The following WWOX variants were observed in gnomAD, a reference collection of about 807,000 sequenced individuals.
WWOX encodes the protein WW domain-containing oxidoreductase.
A neutral mutation model predicts 46.2 loss-of-function variants in WWOX; 69 were observed. The observed-to-expected ratio is 1.49, with a 90% CI of 1.23 to 1.82. The LOEUF (loss-of-function observed/expected upper bound fraction) is 1.82. WWOX is among the 40% of genes most tolerant of loss of function. The probability of loss-of-function intolerance (pLI) is 0.00; values close to 1 mark genes in which losing one functional copy is unlikely to be tolerated. For synonymous variants in WWOX, 359 were observed against 202.6 expected (o/e 1.77, Z -6.56); for missense variants, 919 against 542.6 (o/e 1.69, Z -6.89).
At chr16:78,818,703 G>A (rs1370207728) in intron 8 of WWOX, among the ~76,000 whole-genome samples, 2 of 152,222 alleles carry the variant, frequency 1.3e-5, no homozygotes, top group African/African-American at 4.8e-5. Context: ...ACTATAGCCT[G>A]GGCAGTTTTG....
intron 8 of WWOX, among the ~76,000 whole-genome samples, chr16:78,864,653 G>C (rs2043962926): frequency 6.6e-6 from 1 of 151,414 alleles, no homozygotes; most frequent in African/African-American, 2.4e-5. Context: ...ATTGGGCCCA[G>C]CTCTGAGATT....
intron 8 of WWOX, among the ~76,000 whole-genome samples, chr16:79,022,003 A>G (rs551264694): frequency 5.9e-5 from 9 of 152,340 alleles, no homozygotes; most frequent in Non-Finnish European, 1.3e-4. Context: ...GATAAATGAT[A>G]GGGATTGATA....
At chr16:78,881,971 C>T (rs1390383213) in intron 8 of WWOX, among the ~76,000 whole-genome samples, 1 of 151,924 alleles carries the variant, frequency 6.6e-6, no homozygotes, top group Non-Finnish European at 1.5e-5. Flanking sequence ...ACTAAAAATA[C>T]AAAAATTAGG....
At chr16:78,972,580 A>C (rs4888895) in intron 8 of WWOX, among the ~76,000 whole-genome samples, 1 of 151,870 alleles carries the variant, frequency 6.6e-6, no homozygotes, top group African/African-American at 2.4e-5. Flanking sequence ...CAGGTGTGTA[A>C]ATGTTCCATT....
chr16:78,317,009 T>C (rs750400971), intron 5 of WWOX, among the ~76,000 whole-genome samples: 1 of 152,184 alleles, frequency 6.6e-6, no homozygotes, highest in Non-Finnish European at 1.5e-5. Context: ...GGAAAGTTGC[T>C]TTTTGGAAGG....
intron 8 of WWOX, among the ~76,000 whole-genome samples, chr16:78,537,133 T>G (rs964151121): frequency 6.6e-6 from 1 of 152,138 alleles, no homozygotes; most frequent in African/African-American, 2.4e-5. Flanking sequence ...TCCAGGCTGG[T>G]CTTGAACACC....
At chr16:79,010,495 C>T (rs943082713) in intron 8 of WWOX, among the ~76,000 whole-genome samples, 1 of 152,166 alleles carries the variant, frequency 6.6e-6, no homozygotes, top group African/African-American at 2.4e-5. Context: ...GCTCCAGGCC[C>T]TGGGGATCCC....
At chr16:78,440,917 G>T (rs1381229020) in intron 8 of WWOX, among the ~76,000 whole-genome samples, 2 of 151,930 alleles carry the variant, frequency 1.3e-5, no homozygotes, top group Non-Finnish European at 2.9e-5. Context: ...CACTGTGCCT[G>T]GCCTGTAGTT....
intron 4 of WWOX, 101 bp downstream of exon 4, chr16:78,115,255 C>A: frequency 7.2e-7 from 1 of 1,384,194 alleles, no homozygotes; most frequent in Non-Finnish European, 1.0e-6. Context: ...CTGATTTAAA[C>A]ATGACTTTTA....
intron 8 of WWOX, among the ~76,000 whole-genome samples, chr16:78,737,432 C>A (rs144336198): frequency 6.6e-6 from 1 of 152,022 alleles, no homozygotes; most frequent in African/African-American, 2.4e-5. Context: ...CCACAATGCC[C>A]AGCCTTATAT....
At chr16:78,279,390 C>A (rs1369495983) in intron 5 of WWOX, among the ~76,000 whole-genome samples, 1 of 152,044 alleles carries the variant, frequency 6.6e-6, no homozygotes, top group African/African-American at 2.4e-5. Context: ...CTACTTTTGT[C>A]TCTATCTTTC....
At chr16:78,575,906 T>G (rs1363326560) in intron 8 of WWOX, among the ~76,000 whole-genome samples, 1 of 150,680 alleles carries the variant, frequency 6.6e-6, no homozygotes, top group Non-Finnish European at 1.5e-5. Flanking sequence ...TTTTACCTCT[T>G]TATATAAAAC....
chr16:78,159,902 C>T (rs2034734330), intron 4 of WWOX, among the ~76,000 whole-genome samples: 1 of 151,716 alleles, frequency 6.6e-6, no homozygotes, highest in Admixed American at 6.6e-5. Context: ...TAATGTTGTC[C>T]TTTTATTCAT....
chr16:78,767,469 AGTGTGTGTGTGTCTGTGTGTGTGT>A (rs1567546349), intron 8 of WWOX, among the ~76,000 whole-genome samples: 3 of 114,332 alleles, frequency 2.6e-5, no homozygotes, highest in African/African-American at 3.4e-5. Flanking sequence ...TTTCTGTGTG[AGTGTGTGTGTGTCTGTGTGTGTGT>A]GTGTGTGTGT....
At chr16:78,610,543 T>G (rs192326319) in intron 8 of WWOX, among the ~76,000 whole-genome samples, 1 of 152,212 alleles carries the variant, frequency 6.6e-6, no homozygotes, top group Admixed American at 6.5e-5. Flanking sequence ...CCTGGACATA[T>G]TAATTTTAAA....
chr16:78,829,244 G>A (rs1480412885), intron 8 of WWOX, among the ~76,000 whole-genome samples: 1 of 152,202 alleles, frequency 6.6e-6, no homozygotes, highest in Non-Finnish European at 1.5e-5. Context: ...GTCCCAAGAA[G>A]TGTAGCCAGC....
chr16:79,090,808 T>G (rs776371195), intron 8 of WWOX, among the ~76,000 whole-genome samples: 2 of 152,156 alleles, frequency 1.3e-5, no homozygotes, highest in Non-Finnish European at 2.9e-5. Context: ...AGACTCTGTT[T>G]TGGTTATTTT....
At chr16:78,740,368 C>A (rs930730686) in intron 8 of WWOX, among the ~76,000 whole-genome samples, 1 of 152,156 alleles carries the variant, frequency 6.6e-6, no homozygotes, top group Non-Finnish European at 1.5e-5. Flanking sequence ...ACAGTAAATG[C>A]TGACGTGATT....
At chr16:78,854,844 A>C (rs1341618848) in intron 8 of WWOX, among the ~76,000 whole-genome samples, 1 of 151,350 alleles carries the variant, frequency 6.6e-6, no homozygotes, top group Non-Finnish European at 1.5e-5. Flanking sequence ...GGCCTCCCAA[A>C]GTGCTGGGAT....
Sources: allele counts gnomAD v4.1 joint callset (sites outside exome capture counted in the v4.1 genomes callset), GRCh38; gene constraint gnomAD v4.1.1; transcripts MANE v1.5; gene names NCBI Gene and HGNC (gene_info 2026-07-23, HGNC 2026-07-21).